Variants in MICU3 observed in about 807,000 individuals in gnomAD.
The protein encoded by MICU3 is calcium uptake protein 3, mitochondrial.
MICU3 carries 62 observed loss-of-function variants against 66.5 expected under a neutral mutation model. The observed-to-expected ratio is 0.93, with a 90% CI of 0.76 to 1.15. The LOEUF (loss-of-function observed/expected upper bound fraction) is 1.15. MICU3 is among the 50% of genes most tolerant of loss of function. The pLI, the probability that MICU3 is intolerant of heterozygous loss-of-function variation, is 0.00. For synonymous variants in MICU3, 308 were observed against 240.7 expected (o/e 1.28, Z -2.59); for missense variants, 779 against 664.4 (o/e 1.17, Z -1.90).
chr8:17,111,718 T>C (rs755736170), intron 11 of MICU3, among the ~76,000 whole-genome samples: 1 of 152,220 alleles, frequency 6.6e-6, no homozygotes, highest in African/African-American at 2.4e-5. Flanking sequence ...AGGGTCTAGC[T>C]TCTTTCTTTT....
chr8:17,048,940 G>C (rs1300665528), intron 1 of MICU3, among the ~76,000 whole-genome samples: 3 of 152,148 alleles, frequency 2.0e-5, no homozygotes, highest in Non-Finnish European at 4.4e-5. Flanking sequence ...TGGCCTGGGT[G>C]CATATACTCT....
chr8:17,136,761 C>G, the MICU3 span, among the ~76,000 whole-genome samples: 3 of 151,936 alleles, frequency 2.0e-5, no homozygotes, highest in Non-Finnish European at 4.4e-5. Context: ...TGGTGGAAGC[C>G]ATTCTACCCT....
At chr8:17,104,636 A>G (rs1042969461) in intron 10 of MICU3, 145 bp downstream of exon 10, 10 of 412,546 alleles carry the variant, frequency 2.4e-5, no homozygotes, top group Middle Eastern at 6.5e-4. Context: ...ACCCACATTT[A>G]TCAGTACCTA....
At chr8:17,036,317 G>A (rs534644168) in intron 1 of MICU3, among the ~76,000 whole-genome samples, 11 of 152,264 alleles carry the variant, frequency 7.2e-5, no homozygotes, top group East Asian at 1.9e-4. Context: ...TAAAAGCAGC[G>A]TGGACCCAAA....
intron 11 of MICU3, among the ~76,000 whole-genome samples, chr8:17,106,988 C>G (rs1474274000): frequency 6.6e-6 from 1 of 152,078 alleles, no homozygotes; most frequent in Non-Finnish European, 1.5e-5. Context: ...ATAACAGCTA[C>G]TAATATTTGA....
chr8:17,027,857 C>G (rs1006486047), intron 1 of MICU3, among the ~76,000 whole-genome samples, 197 bp downstream of exon 1: 2 of 152,184 alleles, frequency 1.3e-5, no homozygotes, highest in African/African-American at 2.4e-5. Flanking sequence ...GATGCTGTCC[C>G]TGATGCATCA....
chr8:17,136,702 T>C, the MICU3 span, among the ~76,000 whole-genome samples: 1 of 151,938 alleles, frequency 6.6e-6, no homozygotes, highest in Non-Finnish European at 1.5e-5. Context: ...CAGGTATAGA[T>C]AGGAGTTGGG....
At chr8:17,060,137 G>T (rs907734531) in intron 1 of MICU3, among the ~76,000 whole-genome samples, 12 of 152,122 alleles carry the variant, frequency 7.9e-5, no homozygotes, top group Admixed American at 7.9e-4. Flanking sequence ...TTGTAGAAGA[G>T]AACAGAGAAC....
chr8:17,092,236 C>T (rs1256470293), intron 8 of MICU3, among the ~76,000 whole-genome samples: 1 of 151,888 alleles, frequency 6.6e-6, no homozygotes, highest in Non-Finnish European at 1.5e-5. Context: ...CTAACTTTGA[C>T]AATTTTTATT....
chr8:17,043,822 AG>A (rs746986929), intron 1 of MICU3, among the ~76,000 whole-genome samples: 25 of 152,382 alleles, frequency 1.6e-4, no homozygotes, highest in Non-Finnish European at 3.1e-4. Flanking sequence ...AACAAATCAA[AG>A]TCAAGACGTC....
chr8:17,094,295 T>C (rs72607370), intron 8 of MICU3, among the ~76,000 whole-genome samples: 22,198 of 152,006 alleles, frequency 0.15, 2,128 homozygotes, highest in East Asian at 0.38. Context: ...TCCCATTACA[T>C]TGTCGAAAGT....
At chr8:17,043,234 C>G (rs571154177) in intron 1 of MICU3, among the ~76,000 whole-genome samples, 1 of 152,066 alleles carries the variant, frequency 6.6e-6, no homozygotes, top group Non-Finnish European at 1.5e-5. Flanking sequence ...CCACCGCGCC[C>G]GGCCTCAAAG....
At chr8:17,130,831 A>T in the MICU3 span, among the ~76,000 whole-genome samples, 1 of 152,260 alleles carries the variant, frequency 6.6e-6, no homozygotes, top group South Asian at 2.1e-4. Context: ...CATAAATTCA[A>T]CCAAATTAGT....
the MICU3 span, among the ~76,000 whole-genome samples, chr8:17,137,610 ATT>A: frequency 6.6e-6 from 1 of 151,246 alleles, no homozygotes; most frequent in East Asian, 1.9e-4. Context: ...GGATATGGAA[ATT>A]TGGGCCAGTA....
chr8:17,124,766 G>A (rs1469320860), downstream of MICU3, among the ~76,000 whole-genome samples: 2 of 151,846 alleles, frequency 1.3e-5, no homozygotes, highest in Non-Finnish European at 2.9e-5. Context: ...GATAGAAATA[G>A]AGTATGGTAT....
chr8:17,129,826 A>G, the MICU3 span, among the ~76,000 whole-genome samples: 2 of 152,234 alleles, frequency 1.3e-5, no homozygotes, highest in East Asian at 1.9e-4. Context: ...ACATCTGTTC[A>G]TATCCTAATT....
chr8:17,049,763 A>G (rs973028506), intron 1 of MICU3: 4 of 457,966 alleles, frequency 8.7e-6, no homozygotes, highest in Admixed American at 4.4e-5. Context: ...GAAGGCCCCT[A>G]TAGATTAAGT....
chr8:17,065,689 C>T (rs1818569507), intron 2 of MICU3, among the ~76,000 whole-genome samples: 1 of 152,002 alleles, frequency 6.6e-6, no homozygotes, highest in Non-Finnish European at 1.5e-5. Context: ...GGAAAATGTC[C>T]ACTAGATTTA....
chr8:17,082,746 C>T (rs1053266060), intron 5 of MICU3, among the ~76,000 whole-genome samples: 2 of 152,076 alleles, frequency 1.3e-5, no homozygotes, highest in Non-Finnish European at 2.9e-5. Context: ...TCATTAGAAA[C>T]AATCTAAAAA....
Sources: gnomAD v4.1 joint callset for allele counts (sites outside exome capture counted in the v4.1 genomes callset) on GRCh38, gnomAD v4.1.1 for gene constraint, MANE v1.5 for transcripts, NCBI Gene and HGNC (gene_info 2026-07-23, HGNC 2026-07-21) for gene names.